Variants in COL21A1 observed in about 807,000 individuals in gnomAD.
COL21A1 encodes the protein collagen type XXI alpha 1 chain, also known as collagen alpha-1(XXI) chain.
In COL21A1, 149 loss-of-function variants were observed where a neutral mutation model predicts 137.9. The observed-to-expected ratio is 1.08, with a 90% confidence interval of 0.95 to 1.24. COL21A1 has a LOEUF of 1.24. COL21A1 is among the 50% of genes most tolerant of loss of function. COL21A1 has a pLI of 0.00. For missense variants in COL21A1, 1,167 were observed against 1,158.4 expected (o/e 1.01, Z -0.11); for synonymous variants, 456 against 391.5 (o/e 1.16, Z -1.95).
At chr6:56,231,072 C>A (rs1191880998) in intron 1 of COL21A1, 2 of 151,856 alleles carry the variant, frequency 1.3e-5, no homozygotes, top group Non-Finnish European at 2.9e-5. Flanking sequence ...TCACATGGTA[C>A]AATCTTCTTT....
intron 1 of COL21A1, among the ~76,000 whole-genome samples, chr6:56,297,210 C>T (rs528858143): frequency 3.9e-5 from 6 of 152,136 alleles, no homozygotes; most frequent in Non-Finnish European, 7.4e-5. Flanking sequence ...AGTTGCCATG[C>T]GCATGAGTTA....
At chr6:56,351,210 G>T (rs1581763797) in intron 1 of COL21A1, among the ~76,000 whole-genome samples, 1 of 152,296 alleles carries the variant, frequency 6.6e-6, no homozygotes, top group South Asian at 2.1e-4. Flanking sequence ...ACTCTCTTTG[G>T]GTTCTTGGTT....
At chr6:56,101,224 C>A (rs1770431628) in intron 17 of COL21A1, among the ~76,000 whole-genome samples, 1 of 152,136 alleles carries the variant, frequency 6.6e-6, no homozygotes, top group African/African-American at 2.4e-5. Flanking sequence ...GTTAACCATG[C>A]ATTTCTTTGG....
intron 1 of COL21A1, among the ~76,000 whole-genome samples, chr6:56,373,161 T>C (rs2093993136): frequency 6.6e-6 from 1 of 152,232 alleles, no homozygotes; most frequent in African/African-American, 2.4e-5. Flanking sequence ...TCAGCCATGA[T>C]GGCAATGGTG....
chr6:56,326,929 A>G (rs954642898), intron 1 of COL21A1, among the ~76,000 whole-genome samples: 2 of 152,016 alleles, frequency 1.3e-5, no homozygotes, highest in African/African-American at 2.4e-5. Context: ...GCTGGACTCA[A>G]TGAAAGGGAA....
In COL21A1 at chr6:56,149,964, A is replaced by G. The variant is rs1201675257; in HGVS notation, c.1434+6923T>C. Reference sequence around the variant, plus strand: ...TCCAGTTACTCCATTGCTCACTCCAACTGAAAGCCAAACTCATAACAATGG... The same window carrying G: ...TCCAGTTACTCCATTGCTCACTCCAGCTGAAAGCCAAACTCATAACAATGG... On this transcript the variant is annotated intron_variant, in intron 10 of 29. Coordinates refer to ENST00000244728, the MANE Select transcript of COL21A1 (RefSeq NM_030820.4). Among the ~76,000 whole-genome samples, 4 of 152,108 alleles carry G rather than the reference A, an allele frequency of 2.6e-5. No individual in the cohort carries two copies. The South Asian group carries it at 6.2e-4, about 24-fold the overall frequency.
At chr6:56,294,754 G>C (rs1764125464) in intron 1 of COL21A1, among the ~76,000 whole-genome samples, 1 of 151,926 alleles carries the variant, frequency 6.6e-6, no homozygotes, top group East Asian at 1.9e-4. Flanking sequence ...TGAGGCGTCT[G>C]TTCAGATCTT....
chr6:56,174,791 TCTAAA>T (rs1196315779), intron 3 of COL21A1, among the ~76,000 whole-genome samples: 1 of 151,942 alleles, frequency 6.6e-6, no homozygotes, highest in African/African-American at 2.4e-5. Flanking sequence ...AGTAAACACT[TCTAAA>T]CTATTTTTAT....
At chr6:56,385,219 A>C (rs182320770) in intron 1 of COL21A1, among the ~76,000 whole-genome samples, 269 of 152,330 alleles carry the variant, frequency 1.8e-3, no homozygotes, top group African/African-American at 6.3e-3. Context: ...GTGGGAGGTG[A>C]TGTCATATGC....
intron 1 of COL21A1, among the ~76,000 whole-genome samples, chr6:56,246,907 G>C (rs1048533112): frequency 6.6e-6 from 1 of 152,170 alleles, no homozygotes; most frequent in South Asian, 2.1e-4. Flanking sequence ...TTGGTCTGGG[G>C]TGCTGCTCAA....
At chr6:56,234,799 C>G (rs1464922450) in intron 1 of COL21A1, among the ~76,000 whole-genome samples, 1 of 151,760 alleles carries the variant, frequency 6.6e-6, no homozygotes, top group Admixed American at 6.6e-5. Flanking sequence ...TCATATTCAT[C>G]TCTTAAAAGC....
At chr6:56,352,923 C>T (rs1341928703) in intron 1 of COL21A1, among the ~76,000 whole-genome samples, 1 of 152,098 alleles carries the variant, frequency 6.6e-6, no homozygotes, top group Non-Finnish European at 1.5e-5. Flanking sequence ...AGTCTGTAGT[C>T]CCTGCTACTC....
Position 56,060,959 on chromosome 6 carries a change from G to T in COL21A1, c.2284C>A (p.Pro762Thr). 6.2e-7 allele frequency: 1 copy of T among 1,607,742 alleles called. No individual in the cohort carries two copies. The highest frequency in any genetic ancestry group is 8.5e-7 in the Non-Finnish European group (1 of 1,177,508). ...GESGVDGLMG[P>T]AGPKGQPGDP... ...CCAGGTTGCCCCTTAGGACCTGCGG[G>T]CCCCATCAAGCCATCCACCCCAGAT... The change falls in exon 26 of 30, where the codon CCC becomes ACC. Residue 762 changes from proline to threonine, a missense_variant. Pro to Thr is a conservative substitution (Grantham distance 38). Transcript: ENST00000244728.
intron 1 of COL21A1, among the ~76,000 whole-genome samples, chr6:56,259,451 A>T (rs1049043792): frequency 5.3e-5 from 8 of 152,350 alleles, no homozygotes; most frequent in African/African-American, 1.9e-4. Flanking sequence ...AATTTGAATT[A>T]AAATCACCAT....
At chr6:56,346,753 G>C (rs1258029374) in intron 1 of COL21A1, among the ~76,000 whole-genome samples, 1 of 152,154 alleles carries the variant, frequency 6.6e-6, no homozygotes, top group African/African-American at 2.4e-5. Flanking sequence ...CTCCCAGTGA[G>C]AGCTGTACCG....
intron 1 of COL21A1, among the ~76,000 whole-genome samples, chr6:56,221,954 C>T (rs1321784030): frequency 2.6e-5 from 4 of 152,054 alleles, no homozygotes; most frequent in Non-Finnish European, 5.9e-5. Flanking sequence ...TATTCTTTGG[C>T]CATGAACTAT....
upstream of COL21A1, among the ~76,000 whole-genome samples, chr6:56,249,213 C>T (rs190457750): frequency 9.9e-5 from 15 of 152,218 alleles, no homozygotes; most frequent in East Asian, 2.9e-3. Context: ...ATAAGAAAAA[C>T]AATAAGTGTT....
At chr6:56,226,435 C>T (rs1781200191) in intron 1 of COL21A1, among the ~76,000 whole-genome samples, 1 of 151,932 alleles carries the variant, frequency 6.6e-6, no homozygotes, top group Non-Finnish European at 1.5e-5. Flanking sequence ...GAAAAGGTAA[C>T]TATCATGAAA....
intron 17 of COL21A1, among the ~76,000 whole-genome samples, chr6:56,100,881 C>A (rs776200290): frequency 1.1e-4 from 16 of 152,144 alleles, no homozygotes; most frequent in Non-Finnish European, 2.1e-4. Context: ...CAGTTCTTAA[C>A]CTAGCTCCGC....
Sources: allele counts gnomAD v4.1 joint callset (sites outside exome capture counted in the v4.1 genomes callset), GRCh38; gene constraint gnomAD v4.1.1; transcripts MANE v1.5; gene names NCBI Gene and HGNC (gene_info 2026-07-23, HGNC 2026-07-21).